MAGI2: variants seen among roughly 807,000 people sequenced by gnomAD.
MAGI2 encodes the protein membrane associated guanylate kinase, WW and PDZ domain containing 2.
MAGI2 carries 35 observed loss-of-function variants against 133.3 expected under a neutral mutation model. The observed-to-expected ratio is 0.26, with a 90% CI of 0.20 to 0.35. The LOEUF (loss-of-function observed/expected upper bound fraction) is 0.35, where lower values mean the gene tolerates loss of function less well. MAGI2 is among the 10% of genes least tolerant of loss of function. The pLI is 1.00. For missense variants in MAGI2, 1,636 were observed against 1,863.4 expected (o/e 0.88, Z 2.25); for synonymous variants, 729 against 710.6 (o/e 1.03, Z -0.41).
At chr7:79,225,539 T>C (rs184499427) in intron 1 of MAGI2, among the ~76,000 whole-genome samples, 1 of 152,280 alleles carries the variant, frequency 6.6e-6, no homozygotes, top group African/African-American at 2.4e-5. Context: ...ATTTGACATA[T>C]GTTTTGCTGG....
At chr7:78,403,089 G>A (rs1247211240) in intron 6 of MAGI2, among the ~76,000 whole-genome samples, 1 of 152,108 alleles carries the variant, frequency 6.6e-6, no homozygotes, top group Non-Finnish European at 1.5e-5. Flanking sequence ...CCGTGTTGGT[G>A]TGCTGCACCC....
intron 2 of MAGI2, among the ~76,000 whole-genome samples, chr7:78,918,019 T>C (rs551055289): frequency 3.3e-5 from 5 of 152,168 alleles, no homozygotes; most frequent in Admixed American, 2.0e-4. Flanking sequence ...TTTATAGAGC[T>C]CAATCTCCAG....
intron 2 of MAGI2, among the ~76,000 whole-genome samples, chr7:78,919,163 T>A (rs1799034444): frequency 6.6e-6 from 1 of 152,102 alleles, no homozygotes; most frequent in African/African-American, 2.4e-5. Context: ...TTTCACTGTG[T>A]CTTTGTAATG....
intron 1 of MAGI2, among the ~76,000 whole-genome samples, chr7:79,378,580 A>T (rs368122619): frequency 2.9e-4 from 44 of 151,712 alleles, no homozygotes; most frequent in African/African-American, 1.0e-3. Context: ...CACAGGAAAA[A>T]CTATCAAGGA....
chr7:78,491,759 G>T (rs746977739), intron 5 of MAGI2, among the ~76,000 whole-genome samples: 3 of 151,918 alleles, frequency 2.0e-5, no homozygotes, highest in Non-Finnish European at 4.4e-5. Flanking sequence ...GAGGATGCAG[G>T]TTCTGACTAT....
chr7:78,863,516 G>C (rs540319546), intron 2 of MAGI2, among the ~76,000 whole-genome samples: 5 of 152,168 alleles, frequency 3.3e-5, no homozygotes, highest in African/African-American at 4.8e-5. Context: ...TCATTACTGC[G>C]AGGACAGCAC....
intron 1 of MAGI2, among the ~76,000 whole-genome samples, chr7:79,026,216 A>C (rs1243974575): frequency 1.3e-5 from 2 of 152,188 alleles, no homozygotes; most frequent in African/African-American, 4.8e-5. Flanking sequence ...TTAATCAAAT[A>C]TATTCTCTAT....
At chr7:78,968,704 C>T (rs893061813) in intron 2 of MAGI2, among the ~76,000 whole-genome samples, 6 of 151,908 alleles carry the variant, frequency 3.9e-5, no homozygotes, top group Admixed American at 3.9e-4. Context: ...TTTTATTTAT[C>T]AATTATGAGA....
intron 2 of MAGI2, among the ~76,000 whole-genome samples, chr7:78,876,597 G>T (rs1471471783): frequency 6.6e-6 from 1 of 152,008 alleles, no homozygotes; most frequent in Non-Finnish European, 1.5e-5. Context: ...AAGGAGGAAT[G>T]GAAGGGATAT....
chr7:78,651,910 C>G (rs1811616970), intron 2 of MAGI2, among the ~76,000 whole-genome samples: 1 of 151,840 alleles, frequency 6.6e-6, no homozygotes, highest in African/African-American at 2.4e-5. Context: ...AAGCCTATGC[C>G]TTGACTAGAC....
chr7:79,324,440 CAT>C (rs368012477), intron 1 of MAGI2, among the ~76,000 whole-genome samples: 250 of 20,324 alleles, frequency 0.012, 20 homozygotes, highest in African/African-American at 0.028. Context: ...TATATATAAC[CAT>C]ATATATATGG....
intron 1 of MAGI2, among the ~76,000 whole-genome samples, chr7:79,105,936 A>G (rs1376118700): frequency 1.3e-5 from 2 of 152,186 alleles, no homozygotes; most frequent in African/African-American, 4.8e-5. Flanking sequence ...TAAGTTTTGT[A>G]TATGACTCAC....
chr7:79,142,203 T>C (rs547755294), intron 1 of MAGI2, among the ~76,000 whole-genome samples: 4 of 152,176 alleles, frequency 2.6e-5, no homozygotes, highest in Non-Finnish European at 5.9e-5. Flanking sequence ...TTCACAACAT[T>C]TTCCTTTTCT....
intron 1 of MAGI2, among the ~76,000 whole-genome samples, chr7:79,245,384 C>A (rs1832744103): frequency 6.6e-6 from 1 of 152,174 alleles, no homozygotes. Context: ...CTGCCATTGG[C>A]CAGATGGAAG....
At chr7:79,079,580 A>G (rs1399314399) in intron 1 of MAGI2, among the ~76,000 whole-genome samples, 2 of 152,154 alleles carry the variant, frequency 1.3e-5, no homozygotes, top group Admixed American at 6.5e-5. Flanking sequence ...TTAAGTAGCT[A>G]TGGCTATTTC....
intron 2 of MAGI2, among the ~76,000 whole-genome samples, chr7:78,759,272 C>G (rs574341249): frequency 6.6e-6 from 1 of 152,196 alleles, no homozygotes; most frequent in Admixed American, 6.5e-5. Context: ...ATTTGAACAT[C>G]TGGCCTACCT....
intron 3 of MAGI2, among the ~76,000 whole-genome samples, chr7:78,524,230 A>C (rs73141132): frequency 0.15 from 23,320 of 152,158 alleles, 2,175 homozygotes; most frequent in South Asian, 0.34. Context: ...GGGTAGAAAG[A>C]GCCTCTCCCT....
intron 1 of MAGI2, among the ~76,000 whole-genome samples, chr7:79,433,485 G>A (rs781080099): frequency 6.6e-6 from 1 of 151,912 alleles, no homozygotes; most frequent in African/African-American, 2.4e-5. Context: ...CCCGGGAGGC[G>A]GAGCTTGCAC....
chr7:79,022,417 A>C (rs1809427366), intron 1 of MAGI2, among the ~76,000 whole-genome samples: 1 of 152,112 alleles, frequency 6.6e-6, no homozygotes, highest in Admixed American at 6.5e-5. Context: ...ACCCATATAA[A>C]ATAGTTAGAA....
Sources: gnomAD v4.1 joint callset for allele counts (sites outside exome capture counted in the v4.1 genomes callset) on GRCh38, gnomAD v4.1.1 for gene constraint, MANE v1.5 for transcripts, NCBI Gene and HGNC (gene_info 2026-07-23, HGNC 2026-07-21) for gene names.